MGA: variants seen among roughly 807,000 people sequenced by gnomAD.
The protein encoded by MGA is MAX dimerization protein MGA.
Under a neutral mutation model 261.1 loss-of-function variants are expected in MGA, and 40 were observed. The ratio of observed to expected loss-of-function variants is 0.15; its 90% CI spans 0.12 to 0.20. The LOEUF (loss-of-function observed/expected upper bound fraction) is 0.20, where lower values mean the gene tolerates loss of function less well. Ranked by LOEUF, MGA falls within the 10% of genes least tolerant of loss-of-function variation. The probability of loss-of-function intolerance (pLI) is 1.00; values close to 1 mark genes in which losing one functional copy is unlikely to be tolerated. For synonymous variants in MGA, 1,302 were observed against 1,290.6 expected, an observed-to-expected ratio of 1.01 and a Z score of -0.19; for missense variants, 3,397 against 3,630.5, an observed-to-expected ratio of 0.94 and a Z score of 1.65.
intron 19 of MGA, 106 bp from the exon 20 acceptor site, chr15:41,760,217 C>T: frequency 5.7e-6 from 6 of 1,056,038 alleles, no homozygotes. Flanking sequence ...TACAACAGTC[C>T]AGACAAAAGG....
intron 1 of MGA, among the ~76,000 whole-genome samples, chr15:41,629,139 G>C (rs2056533522): frequency 1.3e-5 from 2 of 151,078 alleles, no homozygotes; most frequent in South Asian, 4.2e-4. Context: ...AGCCATTGGA[G>C]TGTTGTGAGG....
rs1438912459 is a variant in MGA at position 41,765,989 on chromosome 15, A to T, written c.7922-15A>T. The T allele has an allele frequency of 3.1e-6, 5 of 1,593,424 alleles. No homozygotes were observed. The Admixed American group carries it at 5.4e-5, about 17-fold the overall frequency. The stretch of plus-strand genomic sequence containing the variant: ...ATCTAAATGAATTTTTCTTTTTTTA[A>T]TTTTTGTTTTTCAGAAAATGACGAC... On this transcript the variant is annotated splice_polypyrimidine_tract_variant and intron_variant, in intron 23 of 23. Transcript: ENST00000219905.
At chr15:41,670,407 A>C (rs1161421662) in intron 2 of MGA, among the ~76,000 whole-genome samples, 3 of 152,234 alleles carry the variant, frequency 2.0e-5, no homozygotes, top group Non-Finnish European at 2.9e-5. Flanking sequence ...TAAAAGTAGA[A>C]AGTAGAATGG....
At chr15:41,756,868 A>G (rs1413466686) in intron 18 of MGA, among the ~76,000 whole-genome samples, 1 of 152,166 alleles carries the variant, frequency 6.6e-6, no homozygotes, top group African/African-American at 2.4e-5. Flanking sequence ...TTCTGGGATT[A>G]CAGGCATTAG....
chr15:41,739,941 A>C, intron 13 of MGA: 3 of 1,612,488 alleles, frequency 1.9e-6, no homozygotes, highest in South Asian at 1.1e-5. Context: ...CTAAGTTGCT[A>C]TTGGGACAGA....
intron 1 of MGA, among the ~76,000 whole-genome samples, chr15:41,654,028 ATCTTGTGGCTG>A (rs2057118201): frequency 1.3e-5 from 2 of 152,208 alleles, no homozygotes; most frequent in African/African-American, 4.8e-5. Flanking sequence ...TAGCTTCTTA[ATCTTGTGGCTG>A]TCCTTCGGTC....
chr15:41,753,883 G>A (rs902675753), intron 17 of MGA, among the ~76,000 whole-genome samples: 1 of 152,046 alleles, frequency 6.6e-6, no homozygotes, highest in African/African-American at 2.4e-5. Flanking sequence ...AGTCCTTTGA[G>A]GATGCTGTTA....
chr15:41,628,081 G>T (rs924659189), intron 1 of MGA, among the ~76,000 whole-genome samples: 1 of 152,028 alleles, frequency 6.6e-6, no homozygotes, highest in Non-Finnish European at 1.5e-5. Context: ...TAATAAAGAT[G>T]ATTTCAGGGC....
intron 2 of MGA, among the ~76,000 whole-genome samples, chr15:41,694,200 G>A (rs1352795103): frequency 1.4e-4 from 21 of 151,916 alleles, no homozygotes; most frequent in Non-Finnish European, 7.4e-5. Context: ...GGCGGATCAC[G>A]AGGTTAGGAG....
intron 9 of MGA, among the ~76,000 whole-genome samples, chr15:41,720,866 A>G (rs2060901728): frequency 6.6e-6 from 1 of 152,160 alleles, no homozygotes; most frequent in Admixed American, 6.5e-5. Flanking sequence ...ACAGATTCAA[A>G]CATAAATGGA....
intron 22 of MGA, among the ~76,000 whole-genome samples, chr15:41,763,163 G>T (rs751263696): frequency 7.4e-6 from 1 of 135,368 alleles, no homozygotes; most frequent in South Asian, 2.4e-4. Context: ...GCAGTGGCGC[G>T]ATCTTGGCTC....
intron 1 of MGA, among the ~76,000 whole-genome samples, chr15:41,664,810 AGTTTT>A (rs1236852616): frequency 1.3e-5 from 2 of 151,712 alleles, no homozygotes; most frequent in African/African-American, 4.8e-5. Context: ...ACTTCCGTTT[AGTTTT>A]GTTTTGTCAG....
chr15:41,761,825 G>A lies in MGA; in HGVS notation c.7485G>A (p.Leu2495=). Residue 2495 remains leucine (L), a synonymous_variant, in exon 21 of 24, where the codon CTG becomes CTA. Transcript: ENST00000219905. ...TCCTGACTCGAAAACGGAATATTCT[G>A]ATACGGAAAGTATCGTCTCTTTCAG... 1 of 1,586,346 alleles carries A rather than the reference G, an allele frequency of 6.3e-7. No individual in the cohort carries two copies. The highest frequency in any genetic ancestry group is 2.3e-5 in the East Asian group (1 of 44,176).
In MGA at chr15:41,750,033, G is replaced by T; in HGVS notation, c.6426G>T (p.Leu2142Phe). ...TTAAGGAAGAAAGTAAATTTGAATTGTCAGGAAGCAAAGTTATGGAGCAGC... is the reference window on the plus strand; with the variant it reads ...TTAAGGAAGAAAGTAAATTTGAATTTTCAGGAAGCAAAGTTATGGAGCAGC... The change falls in exon 17 of 24, where the codon TTG becomes TTT. Residue 2142 changes from leucine (L) to phenylalanine (F), a missense_variant. Around this residue, in one of 9 missense-constraint regions of MGA, gnomAD observed 1,410 missense variants for 1,386.4 expected, o/e 1.02. Transcript: ENST00000219905. 1 of 1,613,278 alleles carries T rather than the reference G, an allele frequency of 6.2e-7. No individual in the cohort carries two copies. The highest frequency in any genetic ancestry group is 8.5e-7 in the Non-Finnish European group (1 of 1,179,660).
At chr15:41,698,784 A>T in intron 3 of MGA, 79 bp from the exon 4 acceptor site, 6 of 1,128,308 alleles carry the variant, frequency 5.3e-6, no homozygotes, top group Non-Finnish European at 7.5e-6. Context: ...CTGGTCTTTA[A>T]GTTTTTTTTA....
upstream of MGA, among the ~76,000 whole-genome samples, chr15:41,658,992 G>T (rs2057271910): frequency 6.6e-6 from 1 of 152,192 alleles, no homozygotes; most frequent in Admixed American, 6.5e-5. Context: ...TCCTTGAGAG[G>T]AAGGCATTCT....
In MGA at chr15:41,696,096, A is replaced by C; in HGVS notation, c.1086A>C (p.Glu362Asp). ...CCAGTCTTATTGCCAGCAGTTTTGAAGATGACTCCCGTGTAGCCTCACCGT... is the reference window on the plus strand; with the variant it reads ...CCAGTCTTATTGCCAGCAGTTTTGACGATGACTCCCGTGTAGCCTCACCGT... The change falls in exon 3 of 24, where the codon GAA becomes GAC. Residue 362 changes from glutamate (E) to aspartate (D), a missense_variant. Physicochemically the swap from Glu to Asp is conservative, Grantham distance 45. This residue lies in a region of MGA where 563 missense variants were observed against 563.6 expected (regional missense o/e 1.00). Transcript: ENST00000219905. 6.2e-7 allele frequency: 1 copy of C among 1,609,250 alleles called. No individual in the cohort carries two copies. The highest frequency in any genetic ancestry group is 2.2e-5 in the East Asian group (1 of 44,828).
At position 41,626,285 on chromosome 15, in the gene MGA, C is replaced by CT. The variant is rs35419067; in HGVS notation, c.-68+5003dup. Among the ~76,000 whole-genome samples the CT allele has an allele frequency of 5.1e-3, 699 of 137,870 alleles. 5 individuals are homozygous for CT. The highest frequency in any genetic ancestry group is 0.015 in the African/African-American group (575 of 37,806). 90.4% of individuals were successfully genotyped at this position (137,870 alleles called of 152,430 possible). A position where few individuals can be genotyped will look rare whatever the true frequency, so the allele number is the denominator to read the frequency against. ...TTGGATTAGAAAAAACTATTTTCCT[C>CT]TTTTTTTTTTTTTTTTGACAAGTGG... On this transcript the variant is annotated intron_variant, in intron 1 of 8. Transcript: ENST00000566718.
chr15:41,694,351 G>A (rs1484811605), intron 2 of MGA, among the ~76,000 whole-genome samples: 2 of 151,956 alleles, frequency 1.3e-5, no homozygotes, highest in South Asian at 4.2e-4. Flanking sequence ...TGGAGGTGGA[G>A]GTTGCCACTG....
Sources: allele counts gnomAD v4.1 joint callset (sites outside exome capture counted in the v4.1 genomes callset), GRCh38; gene constraint gnomAD v4.1.1; regional missense constraint gnomAD v4.1.1; transcripts MANE v1.5; gene names NCBI Gene and HGNC (gene_info 2026-07-23, HGNC 2026-07-21).